The following PITPNM3 variants were observed in gnomAD, a reference collection of about 807,000 sequenced individuals.
The protein encoded by PITPNM3 is PITPNM family member 3.
A neutral mutation model predicts 102.0 loss-of-function variants in PITPNM3; 26 were observed. That is an observed-to-expected ratio of 0.25 (90% CI 0.19 to 0.35). The LOEUF (loss-of-function observed/expected upper bound fraction) is 0.35. Among genes scored for constraint, PITPNM3 ranks in the 10% least tolerant of loss-of-function variants. The pLI is 1.00. For synonymous variants in PITPNM3, 578 were observed against 558.6 expected (o/e 1.03, Z -0.49); for missense variants, 1,083 against 1,346.1 (o/e 0.80, Z 3.06).
At chr17:6,504,451 C>G (rs1184320491) in intron 3 of PITPNM3, among the ~76,000 whole-genome samples, 2 of 152,160 alleles carry the variant, frequency 1.3e-5, no homozygotes, top group Non-Finnish European at 2.9e-5. Context: ...TTCTGTAGCC[C>G]TCTGCCTGCC....
chr17:6,485,175 T>TG (rs1300881900), intron 4 of PITPNM3, among the ~76,000 whole-genome samples: 3 of 151,400 alleles, frequency 2.0e-5, no homozygotes, highest in African/African-American at 7.3e-5. Context: ...TTTTTTTTTT[T>TG]TTGATGGAGT....
intron 3 of PITPNM3, among the ~76,000 whole-genome samples, chr17:6,507,679 G>C (rs965367388): frequency 6.6e-6 from 1 of 152,146 alleles, no homozygotes; most frequent in African/African-American, 2.4e-5. Flanking sequence ...TGGAGCACTG[G>C]CCCTGAGCCC....
intron 3 of PITPNM3, among the ~76,000 whole-genome samples, chr17:6,519,628 G>A (rs1203248433): frequency 2.0e-5 from 3 of 151,734 alleles, no homozygotes; most frequent in Admixed American, 6.6e-5. Flanking sequence ...TCAGGAGTTC[G>A]ACACCAGCCT....
chr17:6,554,251 C>T lies in PITPNM3; in HGVS notation c.22+2134G>A, dbSNP rs186041527. ...AGGAGAATCGCCTCAGCCCAGGAGG[C>T]GGAGGTTGCAGTGAGCCGAGATCAA... On this transcript the variant is annotated intron_variant, in intron 1 of 19. Transcript: ENST00000262483. 9.5e-5 allele frequency among the ~76,000 whole-genome samples: 13 copies of T among 136,688 alleles called. No homozygotes were observed. In the East Asian group the frequency reaches 2.7e-3, roughly 29 times the overall value. 89.7% of individuals were successfully genotyped at this position (136,688 alleles called of 152,430 possible). A position where few individuals can be genotyped will look rare whatever the true frequency, so the allele number is the denominator to read the frequency against.
At chr17:6,463,693 C>T in intron 17 of PITPNM3, 39 bp downstream of exon 17, 1 of 1,605,216 alleles carries the variant, frequency 6.2e-7, no homozygotes, top group Non-Finnish European at 8.5e-7. Flanking sequence ...GGCTCCTGCC[C>T]CCCAGGGAGA....
At chr17:6,555,945 G>T (rs1597427365) in intron 1 of PITPNM3, among the ~76,000 whole-genome samples, 1 of 152,164 alleles carries the variant, frequency 6.6e-6, no homozygotes. Flanking sequence ...GGGCTGGGGC[G>T]GGGGGTTGTG....
At chr17:6,523,113 G>A (rs1908634778) in intron 3 of PITPNM3, among the ~76,000 whole-genome samples, 1 of 152,024 alleles carries the variant, frequency 6.6e-6, no homozygotes, top group African/African-American at 2.4e-5. Flanking sequence ...ATTCTGTACT[G>A]GGAGGAAATA....
intron 4 of PITPNM3, among the ~76,000 whole-genome samples, chr17:6,499,703 C>A (rs1274798641): frequency 2.0e-5 from 2 of 100,530 alleles, no homozygotes; most frequent in African/African-American, 4.1e-5. Flanking sequence ...GCCATCTTTT[C>A]TTTTATTTAT....
intron 3 of PITPNM3, among the ~76,000 whole-genome samples, chr17:6,507,582 T>TA (rs71381399): frequency 0.23 from 34,190 of 148,010 alleles, 4,072 homozygotes; most frequent in Non-Finnish European, 0.27. Context: ...AGACTCCATT[T>TA]AAAAAAAAAA....
rs1482853083 is a variant in PITPNM3, at chr17:6,455,306, C to T, written c.*32G>A. 3.2e-6 allele frequency: 5 copies of T among 1,540,134 alleles called. No individual in the cohort carries two copies. Among genetic ancestry groups the T allele is most frequent in the South Asian group, 2.5e-5 (2 of 79,884 alleles). On this transcript the variant is annotated 3_prime_UTR_variant, in exon 20 of 20. Transcript: ENST00000262483. ...TCCCCGCAGGCAGCCTGATTGGGCC[C>T]CCCGCTCCCTGCTCTGAGCACAGCC...
chr17:6,489,391 G>A (rs148985938), intron 4 of PITPNM3, among the ~76,000 whole-genome samples: 59 of 151,960 alleles, frequency 3.9e-4, no homozygotes, highest in African/African-American at 1.3e-3. Flanking sequence ...AGACCATGTG[G>A]CACATCCTGA....
intron 1 of PITPNM3, among the ~76,000 whole-genome samples, chr17:6,555,628 AG>A (rs1422157423): frequency 6.6e-6 from 1 of 152,170 alleles, no homozygotes; most frequent in Admixed American, 6.5e-5. Flanking sequence ...TGGGCGCAGC[AG>A]GGGGGCTGAG....
In PITPNM3 at chr17:6,531,065, T is replaced by G. The variant is rs564631797; in HGVS notation, c.119-5602A>C. 5.8e-4 allele frequency among the ~76,000 whole-genome samples: 88 copies of G among 152,300 alleles called. 1 individual carries two copies. Among genetic ancestry groups the G allele is most frequent in the African/African-American group, 2.0e-3 (82 of 41,570 alleles). ...TCCCAGTAACACTATCTCCTGGCAG[T>G]TAATTTCATGAAACCACCTCTGTTT... On this transcript the variant is annotated intron_variant, in intron 2 of 19. Transcript: ENST00000262483.
intron 3 of PITPNM3, among the ~76,000 whole-genome samples, chr17:6,511,928 G>C (rs1203852815): frequency 6.6e-6 from 1 of 152,206 alleles, no homozygotes; most frequent in African/African-American, 2.4e-5. Flanking sequence ...CTGGGCGACA[G>C]AGCGAGACTC....
Position 6,472,700 on chromosome 17 carries a change from G to T in PITPNM3, c.1386C>A (p.Arg462=). The change falls in exon 11 of 20, where the codon CGC becomes CGA. Residue 462 remains arginine, a synonymous_variant. Transcript: ENST00000262483. This position sits in a 1 kb window ranked among gnomAD's most constrained non-coding sequence, Gnocchi z 4.1. The part of the protein sequence containing the change: ...FHLVPPVSVP[R]YQRFPLGDGQ... ...CATCGCCCAGTGGGAACCTCTGGTA[G>T]CGAGGCACGCTGACAGGCGGCACCA... 1.2e-6 allele frequency: 2 copies of T among 1,613,982 alleles called. No homozygotes were observed. Among genetic ancestry groups the T allele is most frequent in the African/African-American group, 1.3e-5 (1 of 75,072 alleles).
chr17:6,471,501 C>T, intron 11 of PITPNM3, 146 bp from the exon 12 acceptor site: 1 of 807,574 alleles, frequency 1.2e-6, no homozygotes, highest in Non-Finnish European at 1.9e-6. Flanking sequence ...CAGGCACCTG[C>T]CCCTCTCACT....
chr17:6,530,344 C>T (rs962329075), intron 2 of PITPNM3, among the ~76,000 whole-genome samples: 3 of 152,182 alleles, frequency 2.0e-5, no homozygotes, highest in African/African-American at 4.8e-5. Context: ...TTTGAAATTT[C>T]GTCTGTAAAA....
Position 6,471,179 on chromosome 17 carries a change from G to A in PITPNM3, c.1606C>T (p.Pro536Ser), listed in dbSNP as rs1471797135. Reference protein sequence around the residue: ...ESSESSDSMAPVGASRITAKW... With the variant: ...ESSESSDSMASVGASRITAKW... The stretch of plus-strand genomic sequence containing the variant: ...CACTCACTGCGGGAGGCACCCACGG[G>A]TGCCATGCTGTCCGAGGACTCCGAG... Residue 536 changes from proline to serine, a missense_variant, in exon 12 of 20, where the codon CCC (proline) becomes TCC (serine). By Grantham distance (74) the Pro-to-Ser change is moderately conservative (BLOSUM62 -1). This residue lies in a region of PITPNM3 where 410 missense variants were observed against 638.4 expected (regional missense o/e 0.64). Coordinates refer to ENST00000262483, the MANE Select transcript of PITPNM3 (RefSeq NM_031220.4). 2 of 1,612,716 alleles carry A rather than the reference G, an allele frequency of 1.2e-6. No homozygotes were observed. Among genetic ancestry groups the A allele is most frequent in the Admixed American group, 1.7e-5 (1 of 60,028 alleles).
intron 3 of PITPNM3, among the ~76,000 whole-genome samples, chr17:6,510,040 C>T (rs1323792734): frequency 6.6e-6 from 1 of 152,034 alleles, no homozygotes; most frequent in East Asian, 1.9e-4. Flanking sequence ...GACAAACTCC[C>T]CAAATCTCCA....
Sources: gnomAD v4.1 joint callset for allele counts (sites outside exome capture counted in the v4.1 genomes callset) on GRCh38, gnomAD v4.1.1 for gene constraint, gnomAD v4.1.1 regional missense constraint, Gnocchi (gnomAD v3.1) non-coding constraint, MANE v1.5 for transcripts, NCBI Gene and HGNC (gene_info 2026-07-23, HGNC 2026-07-21) for gene names.